Variants in KIAA1328 observed in about 807,000 individuals in gnomAD.
KIAA1328 encodes the protein KIAA1328.
KIAA1328 carries 52 observed loss-of-function variants against 68.1 expected under a neutral mutation model. The ratio of observed to expected loss-of-function variants is 0.76; its 90% CI spans 0.61 to 0.96. The LOEUF is 0.96. Ranked by LOEUF, KIAA1328 falls within the 40% of genes least tolerant of loss-of-function variation. KIAA1328 has a pLI of 0.00. For missense variants in KIAA1328, 641 were observed against 677.6 expected, an observed-to-expected ratio of 0.95 and a Z score of 0.60; for synonymous variants, 232 against 239.4, an observed-to-expected ratio of 0.97 and a Z score of 0.28.
At chr18:37,085,685 A>T (rs1041217089) in intron 7 of KIAA1328, among the ~76,000 whole-genome samples, 1 of 152,184 alleles carries the variant, frequency 6.6e-6, no homozygotes, top group Non-Finnish European at 1.5e-5. Context: ...TTATGTAGTC[A>T]TTAAGTATTG....
At chr18:36,869,402 G>A (rs2047867576) in intron 4 of KIAA1328, among the ~76,000 whole-genome samples, 1 of 152,022 alleles carries the variant, frequency 6.6e-6, no homozygotes, top group South Asian at 2.1e-4. Flanking sequence ...ATAATTTCCT[G>A]TGACCTTGCT....
intron 5 of KIAA1328, among the ~76,000 whole-genome samples, chr18:36,944,027 T>C (rs1013393145): frequency 2.6e-5 from 4 of 152,318 alleles, no homozygotes; most frequent in African/African-American, 9.6e-5. Flanking sequence ...ACTCTTGTTA[T>C]TTAAGTGTAA....
chr18:37,161,273 T>A (rs1362789818), intron 8 of KIAA1328, among the ~76,000 whole-genome samples: 1 of 152,180 alleles, frequency 6.6e-6, no homozygotes, highest in Non-Finnish European at 1.5e-5. Context: ...TATTTGAAAA[T>A]TGGGCAGTGC....
At chr18:37,137,181 C>G (rs1420256365) in intron 7 of KIAA1328, among the ~76,000 whole-genome samples, 1 of 152,064 alleles carries the variant, frequency 6.6e-6, no homozygotes, top group Non-Finnish European at 1.5e-5. Flanking sequence ...ACCTGCCTTT[C>G]TCTGGAGTTC....
chr18:37,197,694 C>T (rs951304215), intron 9 of KIAA1328, among the ~76,000 whole-genome samples: 1 of 152,030 alleles, frequency 6.6e-6, no homozygotes, highest in Admixed American at 6.6e-5. Context: ...TTAATGGCCC[C>T]AAGAAAAACA....
At chr18:37,125,757 G>A (rs958661601) in intron 7 of KIAA1328, among the ~76,000 whole-genome samples, 6 of 152,160 alleles carry the variant, frequency 3.9e-5, no homozygotes, top group African/African-American at 1.4e-4. Context: ...TTGAAACTTT[G>A]TGAGCTCTGA....
chr18:37,201,326 C>T (rs1208374243), intron 9 of KIAA1328, among the ~76,000 whole-genome samples: 1 of 152,042 alleles, frequency 6.6e-6, no homozygotes, highest in Admixed American at 6.5e-5. Flanking sequence ...AATGAAAAAA[C>T]ATCATAAAGA....
intron 1 of KIAA1328, among the ~76,000 whole-genome samples, chr18:36,829,768 A>C (rs1321840743): frequency 6.6e-6 from 1 of 152,166 alleles, no homozygotes; most frequent in Non-Finnish European, 1.5e-5. Flanking sequence ...GTTACTGCGT[A>C]AGATGGGAAT....
chr18:36,963,916 T>C (rs1478763770), intron 6 of KIAA1328, among the ~76,000 whole-genome samples: 2 of 152,350 alleles, frequency 1.3e-5, no homozygotes, highest in African/African-American at 4.8e-5. Context: ...TTAATTTGTA[T>C]TTAACAAACA....
intron 6 of KIAA1328, among the ~76,000 whole-genome samples, chr18:36,997,577 C>A (rs1486349970): frequency 6.6e-6 from 1 of 152,120 alleles, no homozygotes; most frequent in African/African-American, 2.4e-5. Context: ...GGTCCCACAC[C>A]CTTTCTGAGA....
chr18:37,083,523 C>G (rs1162234888), intron 7 of KIAA1328, among the ~76,000 whole-genome samples: 1 of 152,166 alleles, frequency 6.6e-6, no homozygotes, highest in Non-Finnish European at 1.5e-5. Context: ...ACTCAACTCC[C>G]GGTAGAAAAC....
At chr18:37,081,230 C>T (rs1033904231) in intron 7 of KIAA1328, among the ~76,000 whole-genome samples, 2 of 152,184 alleles carry the variant, frequency 1.3e-5, no homozygotes, top group African/African-American at 4.8e-5. Context: ...GATCCACCCT[C>T]CTTGACCTCC....
intron 7 of KIAA1328, among the ~76,000 whole-genome samples, chr18:37,094,380 CAA>C (rs980698412): frequency 6.6e-6 from 1 of 151,952 alleles, no homozygotes; most frequent in Non-Finnish European, 1.5e-5. Context: ...ACCTGTCAGT[CAA>C]GAGTACTATA....
intron 7 of KIAA1328, among the ~76,000 whole-genome samples, chr18:37,072,559 T>G (rs1288690147): frequency 6.6e-6 from 1 of 152,204 alleles, no homozygotes; most frequent in Non-Finnish European, 1.5e-5. Context: ...CTTCCTAAAT[T>G]ATTTTTTTCT....
chr18:36,928,938 C>T (rs559522719), intron 5 of KIAA1328, among the ~76,000 whole-genome samples: 2 of 152,198 alleles, frequency 1.3e-5, no homozygotes, highest in South Asian at 4.1e-4. Context: ...TTTCTGCTGC[C>T]TTAATTTCAA....
intron 6 of KIAA1328, among the ~76,000 whole-genome samples, chr18:37,010,568 C>A (rs1327079394): frequency 6.6e-6 from 1 of 150,760 alleles, no homozygotes; most frequent in African/African-American, 2.4e-5. Flanking sequence ...AGAATTTGGT[C>A]ACTCTGCTTA....
intron 7 of KIAA1328, among the ~76,000 whole-genome samples, chr18:37,085,283 G>A (rs1220803705): frequency 1.3e-5 from 2 of 152,132 alleles, no homozygotes; most frequent in African/African-American, 4.8e-5. Flanking sequence ...CTGAGGCAAA[G>A]TCTGGTTCTC....
intron 9 of KIAA1328, among the ~76,000 whole-genome samples, chr18:37,208,569 A>ACAGAG (rs1239928073): frequency 6.6e-6 from 1 of 152,202 alleles, no homozygotes; most frequent in Non-Finnish European, 1.5e-5. Flanking sequence ...GTTGAGGATG[A>ACAGAG]CAGAGCAGAC....
intron 7 of KIAA1328, among the ~76,000 whole-genome samples, chr18:37,135,487 T>A (rs888282316): frequency 7.2e-5 from 11 of 152,140 alleles, no homozygotes; most frequent in Non-Finnish European, 1.6e-4. Context: ...TTTTGGCTAC[T>A]GTCTGTCTTC....
Sources: gnomAD v4.1 joint callset for allele counts (sites outside exome capture counted in the v4.1 genomes callset) on GRCh38, gnomAD v4.1.1 for gene constraint, MANE v1.5 for transcripts, NCBI Gene and HGNC (gene_info 2026-07-23, HGNC 2026-07-21) for gene names.